Variants in CTNNA3 observed in about 807,000 individuals in gnomAD.
CTNNA3 encodes the protein catenin alpha-3.
In CTNNA3, 76 loss-of-function variants were observed where a neutral mutation model predicts 95.7. The observed-to-expected ratio is 0.79, with a 90% CI of 0.66 to 0.96. The LOEUF is 0.96. CTNNA3 is among the 40% of genes least tolerant of loss of function. The pLI is 0.00. For missense variants in CTNNA3, 1,191 were observed against 1,089.8 expected (o/e 1.09, Z -1.31); for synonymous variants, 431 against 374.4 (o/e 1.15, Z -1.74).
intron 5 of CTNNA3, among the ~76,000 whole-genome samples, chr10:67,510,942 C>T (rs1839606119): frequency 6.6e-6 from 1 of 152,098 alleles, no homozygotes; most frequent in Non-Finnish European, 1.5e-5. Flanking sequence ...GAATTTTATT[C>T]TCTTTGTAGT....
intron 5 of CTNNA3, among the ~76,000 whole-genome samples, chr10:67,444,485 A>T (rs1846661627): frequency 6.6e-6 from 1 of 152,126 alleles, no homozygotes; most frequent in African/African-American, 2.4e-5. Flanking sequence ...AATTTTAAAG[A>T]CCTAAAAAAG....
chr10:66,368,633 TACGGCAAATACATTAATA>T (rs1030583537), intron 12 of CTNNA3, among the ~76,000 whole-genome samples: 1 of 152,108 alleles, frequency 6.6e-6, no homozygotes. Context: ...ATTGTGGAGA[TACGGCAAATACATTAATA>T]AATGCAAATA....
chr10:66,672,322 T>C (rs1315792813), intron 9 of CTNNA3, among the ~76,000 whole-genome samples: 4 of 152,120 alleles, frequency 2.6e-5, no homozygotes, highest in African/African-American at 7.2e-5. Flanking sequence ...ATTTTAAAAT[T>C]ATAAGATTTT....
chr10:66,059,954 G>C (rs997130203), intron 15 of CTNNA3, among the ~76,000 whole-genome samples: 1 of 151,940 alleles, frequency 6.6e-6, no homozygotes, highest in South Asian at 2.1e-4. Context: ...CACACTAAAG[G>C]TGGTACACTC....
At chr10:67,598,860 C>T (rs1393483772) in intron 3 of CTNNA3, among the ~76,000 whole-genome samples, 1 of 151,950 alleles carries the variant, frequency 6.6e-6, no homozygotes, top group Non-Finnish European at 1.5e-5. Flanking sequence ...AAAGAGAAAA[C>T]TACAGACTGG....
chr10:66,038,311 A>ATG (rs2079609292), intron 15 of CTNNA3, among the ~76,000 whole-genome samples: 2 of 152,216 alleles, frequency 1.3e-5, no homozygotes, highest in African/African-American at 4.8e-5. Flanking sequence ...ACTGAACAAC[A>ATG]TGCATTCCAG....
intron 15 of CTNNA3, among the ~76,000 whole-genome samples, chr10:65,997,362 T>G (rs899795918): frequency 7.2e-5 from 11 of 152,144 alleles, no homozygotes; most frequent in African/African-American, 2.7e-4. Context: ...CCAGCCAAAT[T>G]TTGGTGAAAT....
chr10:67,012,463 T>G, intron 7 of CTNNA3: 1 of 152,326 alleles, frequency 6.6e-6, no homozygotes, highest in Middle Eastern at 3.4e-3. Flanking sequence ...GAGGAAATTA[T>G]AAATATTTGC....
chr10:65,945,160 G>GTATATATATA (rs60008851), intron 17 of CTNNA3, among the ~76,000 whole-genome samples: 1 of 146,114 alleles, frequency 6.8e-6, no homozygotes, highest in African/African-American at 2.7e-5. Flanking sequence ...GTGTGTGTGT[G>GTATATATATA]TATATATATA....
intron 7 of CTNNA3, among the ~76,000 whole-genome samples, chr10:66,812,101 G>A (rs1841902460): frequency 1.3e-5 from 2 of 152,064 alleles, no homozygotes; most frequent in African/African-American, 4.8e-5. Flanking sequence ...GCCTTACCAT[G>A]TACCAACATG....
intron 3 of CTNNA3, among the ~76,000 whole-genome samples, chr10:67,559,689 G>A (rs1010649353): frequency 2.6e-5 from 4 of 151,842 alleles, no homozygotes; most frequent in South Asian, 2.1e-4. Context: ...AAACTACTCC[G>A]AGCTACAGGA....
intron 7 of CTNNA3, among the ~76,000 whole-genome samples, chr10:67,085,607 A>G (rs1167235480): frequency 6.6e-6 from 1 of 151,976 alleles, no homozygotes; most frequent in Non-Finnish European, 1.5e-5. Context: ...ACTTACTTTT[A>G]AAGTTTATGT....
chr10:66,240,360 A>G (rs2090047882), intron 13 of CTNNA3, among the ~76,000 whole-genome samples: 1 of 152,072 alleles, frequency 6.6e-6, no homozygotes, highest in Non-Finnish European at 1.5e-5. Context: ...TCTGTTTATA[A>G]AACACAGTTA....
intron 13 of CTNNA3, among the ~76,000 whole-genome samples, chr10:66,265,820 C>T (rs1448863571): frequency 6.6e-6 from 1 of 151,990 alleles, no homozygotes; most frequent in Non-Finnish European, 1.5e-5. Context: ...CTTCCTATCA[C>T]TCATCATAAC....
At position 67,402,475 on chromosome 10, in the gene CTNNA3, T is replaced by C. The variant is rs142257669; in HGVS notation, c.579+119367A>G. Among the ~76,000 whole-genome samples the C allele has an allele frequency of 2.0e-5, 3 of 152,230 alleles. No homozygotes were observed. The East Asian group carries it at 5.8e-4, about 29-fold the overall frequency. Reference sequence around the variant, plus strand: ...AAGTAGCTATGGTGCATGGCACTCATAAAGAGGAAGAAAAGCAGTGAGTAA... The same window carrying C: ...AAGTAGCTATGGTGCATGGCACTCACAAAGAGGAAGAAAAGCAGTGAGTAA... On this transcript the variant is annotated intron_variant, in intron 5 of 17. Coordinates refer to ENST00000433211, the MANE Select transcript of CTNNA3 (RefSeq NM_013266.4).
At chr10:66,107,260 A>AT (rs1383031258) in intron 13 of CTNNA3, among the ~76,000 whole-genome samples, 3 of 152,102 alleles carry the variant, frequency 2.0e-5, no homozygotes, top group Non-Finnish European at 2.9e-5. Flanking sequence ...ATATTTTCCT[A>AT]TTTTACCTCT....
chr10:66,913,557 T>C (rs950489914), intron 7 of CTNNA3, among the ~76,000 whole-genome samples: 3 of 152,024 alleles, frequency 2.0e-5, no homozygotes. Context: ...TGAATACAAA[T>C]GAGGATAGAG....
chr10:66,788,426 G>A (rs915655740), intron 7 of CTNNA3, among the ~76,000 whole-genome samples: 1 of 152,078 alleles, frequency 6.6e-6, no homozygotes, highest in African/African-American at 2.4e-5. Context: ...GATGATAATC[G>A]CCAGAACAAA....
intron 9 of CTNNA3, among the ~76,000 whole-genome samples, chr10:66,625,260 C>T (rs187561184): frequency 6.1e-4 from 93 of 152,272 alleles, no homozygotes; most frequent in African/African-American, 2.2e-3. Context: ...TTAAACATGG[C>T]TGACCTTATT....
Sources: allele counts gnomAD v4.1 joint callset (sites outside exome capture counted in the v4.1 genomes callset), GRCh38; gene constraint gnomAD v4.1.1; transcripts MANE v1.5; gene names NCBI Gene and HGNC (gene_info 2026-07-23, HGNC 2026-07-21).